The following CACNG2 variants were observed in gnomAD, a reference collection of about 807,000 sequenced individuals.
CACNG2 encodes the protein calcium voltage-gated channel auxiliary subunit gamma 2.
A neutral mutation model predicts 25.9 loss-of-function variants in CACNG2; 3 were observed. The observed-to-expected ratio is 0.12, with a 90% CI of 0.05 to 0.30. The LOEUF (loss-of-function observed/expected upper bound fraction) is 0.30. Among genes scored for constraint, CACNG2 ranks in the 10% least tolerant of loss-of-function variants. The probability of loss-of-function intolerance (pLI) is 1.00; values close to 1 mark genes in which losing one functional copy is unlikely to be tolerated. For synonymous variants in CACNG2, 167 were observed against 173.3 expected, an observed-to-expected ratio of 0.96 and a Z score of 0.29; for missense variants, 341 against 432.5, an observed-to-expected ratio of 0.79 and a Z score of 1.88.
At chr22:36,674,609 G>A (rs771616324) in intron 1 of CACNG2, among the ~76,000 whole-genome samples, 30 of 152,184 alleles carry the variant, frequency 2.0e-4, no homozygotes, top group African/African-American at 6.3e-4. Context: ...GATTACAGGC[G>A]TGAGCCACCG....
intron 2 of CACNG2, among the ~76,000 whole-genome samples, chr22:36,580,146 C>A (rs988942555): frequency 8.5e-5 from 13 of 152,192 alleles, no homozygotes; most frequent in African/African-American, 2.9e-4. Flanking sequence ...GCATCATCCC[C>A]ATTGCAAGGA....
intron 1 of CACNG2, among the ~76,000 whole-genome samples, chr22:36,669,348 GA>G (rs111647211): frequency 0.098 from 14,516 of 147,986 alleles, 1,390 homozygotes; most frequent in African/African-American, 0.24. Context: ...CTAAAAATAC[GA>G]AAAAAAAAAT....
intron 1 of CACNG2, among the ~76,000 whole-genome samples, chr22:36,609,555 T>C (rs868252033): frequency 0.022 from 1,561 of 72,198 alleles, 63 homozygotes; most frequent in African/African-American, 0.073. Context: ...AGAGCGTGAT[T>C]GGGCAGGAAT....
At chr22:36,602,875 C>G (rs183493699) in intron 1 of CACNG2, among the ~76,000 whole-genome samples, 305 of 152,008 alleles carry the variant, frequency 2.0e-3, no homozygotes, top group Non-Finnish European at 3.1e-3. Context: ...CTCCTTGGAC[C>G]CCCCTATTCT....
chr22:36,682,765 C>G (rs1052881855), intron 1 of CACNG2, among the ~76,000 whole-genome samples: 29 of 152,230 alleles, frequency 1.9e-4, no homozygotes, highest in African/African-American at 6.3e-4. Context: ...GAAGATGCTG[C>G]CCTGGTTTAT....
intron 1 of CACNG2, among the ~76,000 whole-genome samples, chr22:36,679,705 A>T (rs1011001435): frequency 6.6e-6 from 1 of 152,104 alleles, no homozygotes; most frequent in African/African-American, 2.4e-5. Flanking sequence ...CTTACGTGTG[A>T]TGGAGAAAGA....
At chr22:36,607,531 A>C (rs1291861611) in intron 1 of CACNG2, among the ~76,000 whole-genome samples, 2 of 152,236 alleles carry the variant, frequency 1.3e-5, no homozygotes, top group African/African-American at 4.8e-5. Context: ...GATGTGAGCC[A>C]CTGCACCTGG....
intron 1 of CACNG2, among the ~76,000 whole-genome samples, chr22:36,629,735 T>G (rs901080566): frequency 1.3e-5 from 2 of 152,172 alleles, no homozygotes; most frequent in Non-Finnish European, 2.9e-5. Flanking sequence ...GAGCTCCTAC[T>G]GGGTTCCAGG....
chr22:36,588,049 C>T (rs59813328), intron 1 of CACNG2, among the ~76,000 whole-genome samples: 7,100 of 152,278 alleles, frequency 0.047, 392 homozygotes, highest in African/African-American at 0.14. Flanking sequence ...CAATTCCGCA[C>T]GGAATTCACC....
intron 1 of CACNG2, among the ~76,000 whole-genome samples, chr22:36,592,985 C>T (rs528776576): frequency 2.2e-4 from 33 of 152,296 alleles, no homozygotes; most frequent in African/African-American, 7.7e-4. Flanking sequence ...TAGGGAGACT[C>T]TTCTTCTCTT....
At chr22:36,671,433 T>C (rs1936947453) in intron 1 of CACNG2, among the ~76,000 whole-genome samples, 1 of 152,164 alleles carries the variant, frequency 6.6e-6, no homozygotes, top group Admixed American at 6.5e-5. Context: ...ATTCATCCCC[T>C]TTCGTGAGGC....
rs374017135 is a variant in CACNG2, at chr22:36,580,633, C to T, written c.295+6832G>A. Reference sequence around the variant, plus strand: ...GGCCCCTCACCCACACCTCCAGCCCCAGGCTCTGAGTATGGAGTGGGGAGA... The same window carrying T: ...GGCCCCTCACCCACACCTCCAGCCCTAGGCTCTGAGTATGGAGTGGGGAGA... On this transcript the variant is annotated intron_variant, in intron 2 of 3. Coordinates refer to ENST00000300105, the MANE Select transcript of CACNG2 (RefSeq NM_006078.5). 3.9e-5 allele frequency among the ~76,000 whole-genome samples: 6 copies of T among 152,274 alleles called. No individual in the cohort carries two copies. The East Asian group carries it at 1.2e-3, about 29-fold the overall frequency.
intron 1 of CACNG2, among the ~76,000 whole-genome samples, chr22:36,673,942 G>A (rs1261537956): frequency 6.6e-6 from 1 of 152,220 alleles, no homozygotes; most frequent in Non-Finnish European, 1.5e-5. Context: ...ATTGAGGGCG[G>A]CCGGGGTGAT....
At chr22:36,685,551 C>T (rs1390677252) in intron 1 of CACNG2, among the ~76,000 whole-genome samples, 1 of 152,296 alleles carries the variant, frequency 6.6e-6, no homozygotes, top group Admixed American at 6.5e-5. Flanking sequence ...CTGGCCATGT[C>T]CTGGTAACCC....
chr22:36,698,463 A>T (rs1221730466), intron 1 of CACNG2, among the ~76,000 whole-genome samples: 2 of 152,202 alleles, frequency 1.3e-5, no homozygotes, highest in African/African-American at 4.8e-5. Flanking sequence ...CCTAAAATAA[A>T]AGATGAATCC....
intron 1 of CACNG2, among the ~76,000 whole-genome samples, chr22:36,694,755 G>A (rs555123187): frequency 7.3e-4 from 111 of 152,296 alleles, no homozygotes; most frequent in African/African-American, 2.4e-3. Flanking sequence ...ACCACTGCCT[G>A]CCTAGGTTTC....
In CACNG2 at chr22:36,649,016, T is replaced by C. The variant is rs973951223; in HGVS notation, c.211+53350A>G. On this transcript the variant is annotated intron_variant, in intron 1 of 3. Coordinates refer to ENST00000300105, the MANE Select transcript of CACNG2 (RefSeq NM_006078.5). ...TTTCCCATGTCTCCAAGAAAAATAT[T>C]TGAACTCCCTTCCATGACTTGCAAA... 4.6e-5 allele frequency among the ~76,000 whole-genome samples: 7 copies of C among 152,226 alleles called. No homozygotes were observed. In the East Asian group the frequency reaches 5.8e-4, roughly 13 times the overall value.
At chr22:36,658,513 GATA>G (rs1405711216) in intron 1 of CACNG2, among the ~76,000 whole-genome samples, 20 of 152,190 alleles carry the variant, frequency 1.3e-4, no homozygotes, top group Admixed American at 1.3e-3. Flanking sequence ...TCTAGATAAG[GATA>G]ATACAGCTCA....
intron 2 of CACNG2, among the ~76,000 whole-genome samples, chr22:36,583,956 T>C (rs1041820258): frequency 1.3e-5 from 2 of 152,216 alleles, no homozygotes; most frequent in African/African-American, 4.8e-5. Flanking sequence ...TCAAACATGA[T>C]GCTCTGTGCC....
Sources: allele counts gnomAD v4.1 joint callset (sites outside exome capture counted in the v4.1 genomes callset), GRCh38; gene constraint gnomAD v4.1.1; transcripts MANE v1.5; gene names NCBI Gene and HGNC (gene_info 2026-07-23, HGNC 2026-07-21).